The following L3MBTL3 variants were observed in gnomAD, a reference collection of about 807,000 sequenced individuals.
L3MBTL3 encodes the protein lethal(3)malignant brain tumor-like protein 3.
L3MBTL3 carries 27 observed loss-of-function variants against 102.3 expected under a neutral mutation model. The ratio of observed to expected loss-of-function variants is 0.26; its 90% CI spans 0.19 to 0.36. The LOEUF (loss-of-function observed/expected upper bound fraction) is 0.36, where lower values mean the gene tolerates loss of function less well. Ranked by LOEUF, L3MBTL3 falls within the 10% of genes least tolerant of loss-of-function variation. The pLI, the probability that L3MBTL3 is intolerant of heterozygous loss-of-function variation, is 1.00. For synonymous variants in L3MBTL3, 340 were observed against 320.9 expected, an observed-to-expected ratio of 1.06 and a Z score of -0.64; for missense variants, 798 against 955.3, an observed-to-expected ratio of 0.84 and a Z score of 2.17.
At chr6:130,108,348 C>G (rs984112094) in intron 19 of L3MBTL3, among the ~76,000 whole-genome samples, 2 of 151,136 alleles carry the variant, frequency 1.3e-5, no homozygotes, top group African/African-American at 4.9e-5. Flanking sequence ...GATTCGCCTG[C>G]CTCAGCCTCC....
intron 19 of L3MBTL3, among the ~76,000 whole-genome samples, chr6:130,111,152 CAGT>C (rs910147092): frequency 1.3e-5 from 2 of 152,070 alleles, no homozygotes; most frequent in African/African-American, 4.8e-5. Flanking sequence ...AAGAAAATAT[CAGT>C]AGGCAAGTAA....
intron 1 of L3MBTL3, among the ~76,000 whole-genome samples, chr6:130,019,711 CGA>C (rs1778820883): frequency 6.6e-6 from 1 of 151,428 alleles, no homozygotes; most frequent in Non-Finnish European, 1.5e-5. Flanking sequence ...TCTTCCCAAC[CGA>C]GTGTGTGAGA....
intron 19 of L3MBTL3, among the ~76,000 whole-genome samples, chr6:130,109,576 G>GT (rs1292681769): frequency 1.3e-5 from 2 of 152,038 alleles, no homozygotes; most frequent in South Asian, 4.2e-4. Flanking sequence ...TTGTAAATTT[G>GT]TTTAAGTTCC....
At chr6:130,110,410 G>A (rs1029301892) in intron 19 of L3MBTL3, among the ~76,000 whole-genome samples, 8 of 152,058 alleles carry the variant, frequency 5.3e-5, no homozygotes, top group Non-Finnish European at 1.0e-4. Context: ...GGTCCTTCAC[G>A]TCCCTTCTAA....
At chr6:130,032,935 G>A (rs940533993) in intron 2 of L3MBTL3, among the ~76,000 whole-genome samples, 3 of 152,210 alleles carry the variant, frequency 2.0e-5, no homozygotes, top group South Asian at 2.1e-4. Context: ...TGAGGCTGCC[G>A]TGATCCATGA....
intron 1 of L3MBTL3, chr6:130,019,605 C>T: frequency 6.7e-6 from 1 of 150,266 alleles, no homozygotes; most frequent in Non-Finnish European, 1.5e-5. Context: ...CTGCCCGACT[C>T]CCACCGCGCA....
rs530068374 is a variant in L3MBTL3, at chr6:130,057,325, C to G, written c.668-81C>G. 30 of 1,039,184 alleles carry G rather than the reference C, an allele frequency of 2.9e-5. No individual in the cohort carries two copies. In the Admixed American group the frequency reaches 4.0e-4, roughly 14 times the overall value. 64.4% of individuals were successfully genotyped at this position (1,039,184 alleles called of 1,614,324 possible). Reference sequence around the variant, plus strand: ...GAGAAGAGCCAGGCAGCGTATCAGTCAGGGACGTGTGAGTTCACAGATGCA... The same window carrying G: ...GAGAAGAGCCAGGCAGCGTATCAGTGAGGGACGTGTGAGTTCACAGATGCA... On this transcript the variant is annotated intron_variant, in intron 8 of 22. Transcript: ENST00000361794.
intron 17 of L3MBTL3, 144 bp downstream of exon 17, chr6:130,093,003 A>C (rs1457895391): frequency 2.0e-6 from 1 of 501,380 alleles, no homozygotes; most frequent in Non-Finnish European, 3.5e-6. Context: ...CTACATTTTA[A>C]TTACCACGGT....
chr6:130,051,516 C>A (rs1216125613), intron 6 of L3MBTL3, 108 bp downstream of exon 6: 1 of 1,007,206 alleles, frequency 9.9e-7, no homozygotes, highest in Non-Finnish European at 1.5e-6. Context: ...CCTATTGATA[C>A]CTTTTTCCCA....
At chr6:130,100,208 C>T (rs923520409) in intron 18 of L3MBTL3, among the ~76,000 whole-genome samples, 3 of 152,158 alleles carry the variant, frequency 2.0e-5, no homozygotes, top group Non-Finnish European at 2.9e-5. Context: ...GCACTTAATC[C>T]GAGGTCAGTT....
chr6:130,124,528 C>T (rs530739645), intron 20 of L3MBTL3, among the ~76,000 whole-genome samples: 1 of 152,248 alleles, frequency 6.6e-6, no homozygotes, highest in East Asian at 1.9e-4. Context: ...AGTCATGAGC[C>T]TTTTTGATTT....
chr6:130,136,204 A>G (rs540896973), intron 22 of L3MBTL3, among the ~76,000 whole-genome samples: 1 of 152,326 alleles, frequency 6.6e-6, no homozygotes, highest in South Asian at 2.1e-4. Context: ...TTCCCAGCAC[A>G]GCCAAGGTTA....
chr6:130,045,225 C>T (rs1261360282), intron 3 of L3MBTL3, among the ~76,000 whole-genome samples: 1 of 152,174 alleles, frequency 6.6e-6, no homozygotes, highest in Non-Finnish European at 1.5e-5. Flanking sequence ...GCTTTCCTCT[C>T]TGGCCATGTC....
At chr6:130,138,879 A>C (rs1040452002) in intron 22 of L3MBTL3, among the ~76,000 whole-genome samples, 1 of 152,164 alleles carries the variant, frequency 6.6e-6, no homozygotes, top group African/African-American at 2.4e-5. Context: ...TTTAACCTAA[A>C]AGATGTGTTG....
intron 13 of L3MBTL3, among the ~76,000 whole-genome samples, chr6:130,075,949 C>A (rs1782925202): frequency 6.6e-6 from 1 of 152,108 alleles, no homozygotes; most frequent in African/African-American, 2.4e-5. Context: ...AAGCTTGAAG[C>A]AAATTAATAT....
chr6:130,085,282 T>C (rs1001418122), intron 15 of L3MBTL3, among the ~76,000 whole-genome samples: 7 of 152,218 alleles, frequency 4.6e-5, no homozygotes, highest in African/African-American at 1.7e-4. Context: ...TACTGAGGCG[T>C]AGGTAGCTGT....
intron 20 of L3MBTL3, among the ~76,000 whole-genome samples, chr6:130,130,932 T>C (rs1016647173): frequency 2.0e-5 from 3 of 152,176 alleles, no homozygotes; most frequent in Non-Finnish European, 4.4e-5. Context: ...AATAAACTTA[T>C]TAGAAAACTG....
intron 3 of L3MBTL3, among the ~76,000 whole-genome samples, chr6:130,048,967 CACAT>C (rs1554223370): frequency 4.0e-5 from 6 of 150,454 alleles, no homozygotes; most frequent in African/African-American, 1.5e-4. Context: ...CACACACACA[CACAT>C]ACACACACAA....
At chr6:130,134,761 C>A (rs1187451079) in intron 22 of L3MBTL3, among the ~76,000 whole-genome samples, 1 of 152,152 alleles carries the variant, frequency 6.6e-6, no homozygotes, top group African/African-American at 2.4e-5. Flanking sequence ...CTTGTTTGCC[C>A]CTATGTGTAA....
Sources: allele counts gnomAD v4.1 joint callset (sites outside exome capture counted in the v4.1 genomes callset), GRCh38; gene constraint gnomAD v4.1.1; transcripts MANE v1.5; gene names NCBI Gene and HGNC (gene_info 2026-07-23, HGNC 2026-07-21).